Variants in PPP6C observed in about 807,000 individuals in gnomAD.
PPP6C encodes protein phosphatase 6 catalytic subunit.
In PPP6C, 11 loss-of-function variants were observed where a neutral mutation model predicts 39.8. The observed-to-expected ratio is 0.28, with a 90% CI of 0.17 to 0.46. The LOEUF is 0.46. Ranked by LOEUF, PPP6C falls within the 20% of genes least tolerant of loss-of-function variation. The pLI is 1.00. For missense variants in PPP6C, 211 were observed against 373.9 expected, an observed-to-expected ratio of 0.56 and a Z score of 3.59; for synonymous variants, 129 against 130.3, an observed-to-expected ratio of 0.99 and a Z score of 0.07.
intron 4 of PPP6C, 32 bp downstream of exon 4, chr9:125,158,209 A>T (rs1467068657): frequency 6.4e-7 from 1 of 1,560,144 alleles, no homozygotes; most frequent in South Asian, 1.1e-5. Flanking sequence ...AAGTAAAATA[A>T]TATTCAGAAT....
At chr9:125,160,419 A>C (rs1252755608) in intron 3 of PPP6C, among the ~76,000 whole-genome samples, 1 of 152,164 alleles carries the variant, frequency 6.6e-6, no homozygotes, top group Non-Finnish European at 1.5e-5. Flanking sequence ...TTGAATTCCC[A>C]CATGTTGTGG....
intron 2 of PPP6C, among the ~76,000 whole-genome samples, chr9:125,167,878 C>T (rs911563368): frequency 6.9e-6 from 1 of 144,758 alleles, no homozygotes; most frequent in East Asian, 2.0e-4. Flanking sequence ...TGGTCTTGAA[C>T]CCATGGCTTC....
chr9:125,160,931 T>C (rs1393696193), intron 2 of PPP6C, 25 bp from the exon 3 acceptor site: 3 of 1,513,126 alleles, frequency 2.0e-6, no homozygotes, highest in East Asian at 2.4e-5. Context: ...CAATACATGC[T>C]GATTACAAAT....
intron 1 of PPP6C, among the ~76,000 whole-genome samples, chr9:125,173,140 T>C (rs756917056): frequency 4.6e-5 from 7 of 151,852 alleles, no homozygotes; most frequent in Non-Finnish European, 8.8e-5. Context: ...AGGCTGGGCA[T>C]GGTGAATCAC....
chr9:125,151,072 T>C, intron 6 of PPP6C: 3 of 1,326,264 alleles, frequency 2.3e-6, no homozygotes, highest in Non-Finnish European at 3.3e-6. Context: ...CCCAGTGGAC[T>C]ATCTGTATGC....
At position 125,171,087 on chromosome 9, in the gene PPP6C, G is replaced by A; in HGVS notation, c.169C>T (p.Gln57Ter). 1 of 1,568,316 alleles carries A rather than the reference G, an allele frequency of 6.4e-7. No individual in the cohort carries two copies. The highest frequency in any genetic ancestry group is 8.7e-7 in the Non-Finnish European group (1 of 1,149,652). The change falls in exon 2 of 7, where the codon CAG (glutamine) becomes TAG (stop). Residue 57 changes from glutamine to a stop codon, truncating the protein, a stop_gained and splice_region_variant. Coordinates refer to ENST00000373547, the MANE Select transcript of PPP6C (RefSeq NM_002721.5). LOFTEE classifies it high-confidence loss of function. The part of the protein sequence containing the change: ...PVTVCGDIHG[Q>*]FYDLCELFRT... ...AAAATCTGCTCATGAAATTTTACCT[G>A]TCCATGGATATCTCCACACACTGTT...
chr9:125,158,460 CAT>C, intron 3 of PPP6C, 78 bp from the exon 4 acceptor site: 3 of 1,365,836 alleles, frequency 2.2e-6, no homozygotes, highest in Non-Finnish European at 3.0e-6. Context: ...ACTGTACAAA[CAT>C]ATAGTTTATA....
intron 4 of PPP6C, among the ~76,000 whole-genome samples, chr9:125,154,947 C>A (rs1253504744): frequency 1.3e-5 from 2 of 152,210 alleles, no homozygotes; most frequent in African/African-American, 2.4e-5. Flanking sequence ...AGTTGGAATA[C>A]AGTGGCACAA....
chr9:125,179,408 T>C (rs1267877151), intron 1 of PPP6C, among the ~76,000 whole-genome samples: 3 of 152,136 alleles, frequency 2.0e-5, no homozygotes, highest in East Asian at 1.9e-4. Flanking sequence ...TTTTGATTTG[T>C]TTAGGTTTGG....
At position 125,152,569 on chromosome 9, in the gene PPP6C, G is replaced by A. The variant is rs184440200; in HGVS notation, c.669+964C>T. 3.3e-5 allele frequency among the ~76,000 whole-genome samples: 5 copies of A among 152,012 alleles called. No homozygotes were observed. The East Asian group carries it at 7.8e-4, about 24-fold the overall frequency. ...ACGTAGGCTGGGCGCGGTGGCTCACGCCTGTAATCCCAGCACCTTGGGAGA... is the reference window on the plus strand; with the variant it reads ...ACGTAGGCTGGGCGCGGTGGCTCACACCTGTAATCCCAGCACCTTGGGAGA... On this transcript the variant is annotated intron_variant, in intron 6 of 6. Coordinates refer to ENST00000373547, the MANE Select transcript of PPP6C (RefSeq NM_002721.5).
At chr9:125,170,496 C>G (rs952485298) in intron 2 of PPP6C, among the ~76,000 whole-genome samples, 1 of 152,130 alleles carries the variant, frequency 6.6e-6, no homozygotes, top group African/African-American at 2.4e-5. Flanking sequence ...CTCAGCCACC[C>G]AAAGTGCTGG....
chr9:125,150,745 A>G, intron 6 of PPP6C: 1 of 744,884 alleles, frequency 1.3e-6, no homozygotes, highest in Non-Finnish European at 2.3e-6. Flanking sequence ...GCAGTGATTG[A>G]GAAATTCAGC....
chr9:125,152,094 T>C (rs1474901652), intron 6 of PPP6C, among the ~76,000 whole-genome samples: 2 of 144,328 alleles, frequency 1.4e-5, no homozygotes, highest in Non-Finnish European at 3.0e-5. Flanking sequence ...CAGTTGGGCT[T>C]GAGCAGCCAT....
chr9:125,170,807 T>C (rs1346581384), intron 2 of PPP6C, among the ~76,000 whole-genome samples: 1 of 152,216 alleles, frequency 6.6e-6, no homozygotes, highest in Non-Finnish European at 1.5e-5. Flanking sequence ...CTTTATATCT[T>C]CTACCTACCC....
chr9:125,175,904 T>C (rs1829287626), intron 1 of PPP6C, among the ~76,000 whole-genome samples: 1 of 152,146 alleles, frequency 6.6e-6, no homozygotes, highest in South Asian at 2.1e-4. Context: ...GCTTACATTC[T>C]AATAGAATGA....
chr9:125,159,680 A>G (rs1251102971), intron 3 of PPP6C, among the ~76,000 whole-genome samples: 1 of 152,168 alleles, frequency 6.6e-6, no homozygotes, highest in East Asian at 1.9e-4. Context: ...TTAATGTCTG[A>G]CTTGGGCCAA....
At chr9:125,187,031 C>T (rs1204660910) in intron 1 of PPP6C, among the ~76,000 whole-genome samples, 1 of 148,496 alleles carries the variant, frequency 6.7e-6, no homozygotes, top group African/African-American at 2.5e-5. Context: ...ACTGCAACCT[C>T]CGCCTCCCTG....
At chr9:125,169,584 A>C (rs1472566558) in intron 2 of PPP6C, among the ~76,000 whole-genome samples, 1 of 150,914 alleles carries the variant, frequency 6.6e-6, no homozygotes, top group Admixed American at 6.6e-5. Flanking sequence ...ACAAATGTTT[A>C]CTTTGAGAGA....
chr9:125,177,242 C>T lies in PPP6C; in HGVS notation c.76-6062G>A, dbSNP rs554851157. On this transcript the variant is annotated intron_variant, in intron 1 of 6. Transcript: ENST00000373547. ...ACAAAAAATTAGCCGGGCGTGGTGG[C>T]GGGCGCCTGTAGTCTCAGCTACTTG... 1.1e-4 allele frequency among the ~76,000 whole-genome samples: 16 copies of T among 152,182 alleles called. No individual in the cohort carries two copies. In the East Asian group the frequency reaches 3.1e-3, roughly 29 times the overall value.
Sources: allele counts gnomAD v4.1 joint callset (sites outside exome capture counted in the v4.1 genomes callset), GRCh38; gene constraint gnomAD v4.1.1; transcripts MANE v1.5; gene names NCBI Gene and HGNC (gene_info 2026-07-23, HGNC 2026-07-21).